The following C2orf76 variants were observed in gnomAD, a reference collection of about 807,000 sequenced individuals.
The protein encoded by C2orf76 is chromosome 2 open reading frame 76.
C2orf76 carries 23 observed loss-of-function variants against 16.9 expected under a neutral mutation model. The ratio of observed to expected loss-of-function variants is 1.36; its 90% confidence interval spans 0.98 to 1.93. The LOEUF (loss-of-function observed/expected upper bound fraction) is 1.93. C2orf76 is among the 30% of genes most tolerant of loss of function. The pLI is 0.00. For missense variants in C2orf76, 152 were observed against 152.6 expected, an observed-to-expected ratio of 1.00 and a Z score of 0.02; for synonymous variants, 48 against 52.3, an observed-to-expected ratio of 0.92 and a Z score of 0.35.
intron 1 of C2orf76, among the ~76,000 whole-genome samples, chr2:119,355,713 G>T (rs1680549337): frequency 6.6e-6 from 1 of 152,002 alleles, no homozygotes; most frequent in African/African-American, 2.4e-5. Flanking sequence ...ATCTCAGATG[G>T]GACAGTTTCA....
the C2orf76 span, among the ~76,000 whole-genome samples, chr2:119,287,545 AT>A: frequency 6.6e-6 from 1 of 151,992 alleles, no homozygotes; most frequent in Admixed American, 6.6e-5. Context: ...GACATCACAT[AT>A]ACATTTTTAA....
the C2orf76 span, among the ~76,000 whole-genome samples, chr2:119,294,373 G>T: frequency 6.6e-6 from 1 of 152,134 alleles, no homozygotes; most frequent in African/African-American, 2.4e-5. Flanking sequence ...TGGAGAACTC[G>T]GTTCAGGAAT....
intron 1 of C2orf76, 29 bp from the exon 2 acceptor site, chr2:119,340,000 A>C (rs1298338539): frequency 5.7e-6 from 9 of 1,590,012 alleles, no homozygotes; most frequent in Admixed American, 1.7e-5. Context: ...GAACCATCTA[A>C]ATGAAGCCAG....
chr2:119,366,271 A>G (rs1680982545), intron 1 of C2orf76: 1 of 379,564 alleles, frequency 2.6e-6, no homozygotes, highest in African/African-American at 2.1e-5. Flanking sequence ...ACAGCCATTC[A>G]TTTAACAAAT....
chr2:119,333,960 TTTTC>T (rs1404867132), intron 2 of C2orf76, among the ~76,000 whole-genome samples: 1 of 152,068 alleles, frequency 6.6e-6, no homozygotes, highest in Admixed American at 6.5e-5. Flanking sequence ...TCTGTTCTTT[TTTTC>T]TTTTTTTTTG....
intron 3 of C2orf76, among the ~76,000 whole-genome samples, chr2:119,319,464 T>C (rs1679278874): frequency 6.6e-6 from 1 of 152,154 alleles, no homozygotes; most frequent in South Asian, 2.1e-4. Flanking sequence ...CCTGTGGGCA[T>C]TGTTTTCTTA....
chr2:119,332,705 C>T (rs6727910), intron 2 of C2orf76, among the ~76,000 whole-genome samples: 85,624 of 152,056 alleles, frequency 0.56, 24,466 homozygotes, highest in African/African-American at 0.62. Context: ...GTTCCAAAGA[C>T]TAATAGCCAG....
intron 2 of C2orf76, among the ~76,000 whole-genome samples, chr2:119,327,458 C>A (rs1447166132): frequency 6.8e-6 from 1 of 146,940 alleles, no homozygotes; most frequent in African/African-American, 2.5e-5. Flanking sequence ...TGACATGTAA[C>A]CTCCAAAGTT....
intron 5 of C2orf76, among the ~76,000 whole-genome samples, chr2:119,306,770 G>A (rs1053206039): frequency 2.6e-5 from 2 of 77,862 alleles, no homozygotes; most frequent in Non-Finnish European, 4.8e-5. Flanking sequence ...ACGTATTTTC[G>A]TACTGGGTCC....
At chr2:119,287,408 T>C in the C2orf76 span, among the ~76,000 whole-genome samples, 2 of 152,156 alleles carry the variant, frequency 1.3e-5, no homozygotes, top group African/African-American at 4.8e-5. Flanking sequence ...CAGGTTCCCA[T>C]GTACATACAT....
intron 2 of C2orf76, among the ~76,000 whole-genome samples, chr2:119,334,938 G>T (rs1357640649): frequency 6.6e-6 from 1 of 152,076 alleles, no homozygotes; most frequent in African/African-American, 2.4e-5. Context: ...TGCTTCCCAT[G>T]GGGATACACT....
At chr2:119,293,448 A>G in the C2orf76 span, among the ~76,000 whole-genome samples, 1 of 152,256 alleles carries the variant, frequency 6.6e-6, no homozygotes, top group South Asian at 2.1e-4. Context: ...CAGGAAGAGG[A>G]CCAAGGCCAA....
chr2:119,337,919 T>C (rs146745055), intron 2 of C2orf76, among the ~76,000 whole-genome samples: 131 of 152,302 alleles, frequency 8.6e-4, no homozygotes, highest in African/African-American at 3.0e-3. Flanking sequence ...TTGCAGCAGC[T>C]TGAAAATACA....
chr2:119,310,304 C>G (rs1678941041), intron 5 of C2orf76, among the ~76,000 whole-genome samples: 1 of 152,126 alleles, frequency 6.6e-6, no homozygotes, highest in South Asian at 2.1e-4. Context: ...TTTAAAGAAA[C>G]AAATGCCAAA....
chr2:119,326,461 T>C (rs1679512658), intron 2 of C2orf76, among the ~76,000 whole-genome samples: 1 of 152,210 alleles, frequency 6.6e-6, no homozygotes, highest in Non-Finnish European at 1.5e-5. Flanking sequence ...TTGATTACTA[T>C]AGTTTTATAG....
the C2orf76 span, among the ~76,000 whole-genome samples, chr2:119,291,014 C>T: frequency 1.3e-5 from 2 of 151,882 alleles, no homozygotes; most frequent in Non-Finnish European, 2.9e-5. Context: ...TGACTGACAC[C>T]GGCTCGGCCT....
chr2:119,333,638 A>G (rs1679745534), intron 2 of C2orf76, among the ~76,000 whole-genome samples: 1 of 152,266 alleles, frequency 6.6e-6, no homozygotes, highest in African/African-American at 2.4e-5. Flanking sequence ...ACAGTCTGTC[A>G]CAACTATTCA....
intron 4 of C2orf76, 75 bp from the exon 5 acceptor site, chr2:119,311,778 A>G: frequency 2.2e-6 from 3 of 1,344,054 alleles, no homozygotes; most frequent in Non-Finnish European, 3.1e-6. Context: ...TCAAAGACAC[A>G]GAGTTGTAAC....
chr2:119,296,115 C>T, the C2orf76 span, among the ~76,000 whole-genome samples: 1 of 152,182 alleles, frequency 6.6e-6, no homozygotes, highest in Non-Finnish European at 1.5e-5. Flanking sequence ...GTCGTGCCTT[C>T]CTCTTCCACT....
Sources: allele counts gnomAD v4.1 joint callset (sites outside exome capture counted in the v4.1 genomes callset), GRCh38; gene constraint gnomAD v4.1.1; transcripts MANE v1.5; gene names NCBI Gene and HGNC (gene_info 2026-07-23, HGNC 2026-07-21).